The following TTC21A variants were observed in gnomAD, a reference collection of about 807,000 sequenced individuals.
TTC21A encodes the protein tetratricopeptide repeat domain 21A.
A neutral mutation model predicts 156.4 loss-of-function variants in TTC21A; 128 were observed. The ratio of observed to expected loss-of-function variants is 0.82; its 90% CI spans 0.71 to 0.95. The LOEUF (loss-of-function observed/expected upper bound fraction) is 0.95, where lower values mean the gene tolerates loss of function less well. TTC21A is among the 40% of genes least tolerant of loss of function. The pLI is 0.00. For synonymous variants in TTC21A, 587 were observed against 617.1 expected, an observed-to-expected ratio of 0.95 and a Z score of 0.72; for missense variants, 1,435 against 1,602.3, an observed-to-expected ratio of 0.90 and a Z score of 1.78.
rs370810589 is a variant in TTC21A, at chr3:39,118,124, G to A, written c.772G>A (p.Glu258Lys). 27 of 1,614,078 alleles carry A rather than the reference G, an allele frequency of 1.7e-5. No individual in the cohort carries two copies. The highest frequency in any genetic ancestry group is 2.2e-5 in the South Asian group (2 of 91,086). ...TGCCTGCCAAATTCTAACCGTGCAT[G>A]AGCTTGCAAGAGAAGGAAACATGAC... Reference protein sequence around the residue: ...IDACQILTVHELAREGNMTTA... With the variant: ...IDACQILTVHKLAREGNMTTA... The change falls in exon 7 of 29, where the codon GAG becomes AAG. Residue 258 changes from glutamate (E) to lysine (K), a missense_variant. Coordinates refer to ENST00000683103, the MANE Select transcript of TTC21A (RefSeq NM_001366900.1).
chr3:39,133,573 T>C (rs1025191919), intron 20 of TTC21A, among the ~76,000 whole-genome samples: 2 of 152,182 alleles, frequency 1.3e-5, no homozygotes, highest in Non-Finnish European at 2.9e-5. Flanking sequence ...GTTGCAGCTG[T>C]CAGGGCACTT....
At position 39,130,164 on chromosome 3, in the gene TTC21A, C is replaced by T. The variant is rs374132095; in HGVS notation, c.2208+13C>T. The T allele has an allele frequency of 3.1e-6, 5 of 1,613,496 alleles. No homozygotes were observed. Among genetic ancestry groups the T allele is most frequent in the Non-Finnish European group, 4.2e-6 (5 of 1,179,704 alleles). On this transcript the variant is annotated intron_variant, in intron 16 of 28. Coordinates refer to ENST00000683103, the MANE Select transcript of TTC21A (RefSeq NM_001366900.1). This position sits in a 1 kb window ranked among gnomAD's most constrained non-coding sequence, Gnocchi z 4.5. ...GAGCATTCTGGAGGTAAGTGAGAGGCCTCACAGCCTTGCCAAGTGGCCCCC... is the reference window on the plus strand; with the variant it reads ...GAGCATTCTGGAGGTAAGTGAGAGGTCTCACAGCCTTGCCAAGTGGCCCCC...
At chr3:39,122,403 G>A (rs2037848853) in intron 9 of TTC21A, among the ~76,000 whole-genome samples, 1 of 152,122 alleles carries the variant, frequency 6.6e-6, no homozygotes, top group African/African-American at 2.4e-5. Flanking sequence ...GAAGGCAAAT[G>A]GTGTCAAATA....
rs762738287 is a variant in TTC21A, at chr3:39,128,481, A to G, written c.1673A>G (p.Asn558Ser). The part of the protein sequence containing the change: ...FHCLELGVSH[N>S]FQVRDHPLYH... Reference sequence around the variant, plus strand: ...TGCTTAGAGCTGGGTGTCAGCCACAACTTCCAGGTGGGTGCCCTCTCATCC... The same window carrying G: ...TGCTTAGAGCTGGGTGTCAGCCACAGCTTCCAGGTGGGTGCCCTCTCATCC... Residue 558 changes from asparagine to serine, a missense_variant, in exon 13 of 29, where the codon AAC becomes AGC. Coordinates refer to ENST00000683103, the MANE Select transcript of TTC21A (RefSeq NM_001366900.1). 5.9e-5 allele frequency: 95 copies of G among 1,613,974 alleles called. No homozygotes were observed. The Admixed American group carries it at 1.4e-3, about 24-fold the overall frequency.
At chr3:39,110,650 G>A (rs545957862) in intron 3 of TTC21A, among the ~76,000 whole-genome samples, 5 of 152,314 alleles carry the variant, frequency 3.3e-5, no homozygotes, top group Admixed American at 3.3e-4. Context: ...CCACACCAGG[G>A]CAGCCCCTGC....
rs765589196 is a variant in TTC21A at position 39,130,677 on chromosome 3, C to T, written c.2320-24C>T. ...CTGAAGGGCAGAACCAGGCCAGAGG[C>T]TAATATTTACTGTTTGCACTAAGGC... On this transcript the variant is annotated intron_variant, in intron 17 of 28. Coordinates refer to ENST00000683103, the MANE Select transcript of TTC21A (RefSeq NM_001366900.1). The surrounding 1 kb of genome is among the most constrained non-coding windows in gnomAD (Gnocchi z 4.5). 3.1e-6 allele frequency: 5 copies of T among 1,613,336 alleles called. No homozygotes were observed. Among genetic ancestry groups the T allele is most frequent in the Non-Finnish European group, 4.2e-6 (5 of 1,179,598 alleles).
chr3:39,128,649 T>TGACCTGA, intron 13 of TTC21A, 68 bp from the exon 14 acceptor site: 1 of 1,572,176 alleles, frequency 6.4e-7, no homozygotes, highest in Non-Finnish European at 8.7e-7. Context: ...TTCTCTGACC[T>TGACCTGA]GGCTGCTGTG....
Position 39,107,748 on chromosome 3 carries a change from C to T in TTC21A, c.-90C>T, listed in dbSNP as rs574062941. The T allele has an allele frequency of 5.1e-6, 8 of 1,579,344 alleles. No individual in the cohort carries two copies. In the East Asian group the frequency reaches 1.6e-4, roughly 31 times the overall value. On this transcript the variant is annotated 5_prime_UTR_variant, in exon 1 of 29. Coordinates refer to ENST00000683103, the MANE Select transcript of TTC21A (RefSeq NM_001366900.1). ...AAGGACTGTAACGCCTTCAACCGCC[C>T]GCCGCGATAGAGTGCCCACGACCCT...
Position 39,126,255 on chromosome 3 carries a change from C to T in TTC21A, c.1393-6C>T. 1 of 1,614,056 alleles carries T rather than the reference C, an allele frequency of 6.2e-7. No homozygotes were observed. The highest frequency in any genetic ancestry group is 8.5e-7 in the Non-Finnish European group (1 of 1,179,960). ...TACTCCCACCTCCACCGCCGTGTTC[C>T]CACAGCCCAGGTTACCAGGCCAGAT... On this transcript the variant is annotated splice_polypyrimidine_tract_variant and splice_region_variant and intron_variant, in intron 11 of 28. Coordinates refer to ENST00000683103, the MANE Select transcript of TTC21A (RefSeq NM_001366900.1).
chr3:39,135,341 C>T (rs542233936), intron 22 of TTC21A, among the ~76,000 whole-genome samples, 167 bp downstream of exon 22: 7 of 152,300 alleles, frequency 4.6e-5, no homozygotes, highest in African/African-American at 1.7e-4. Flanking sequence ...TGGAACGTGC[C>T]GGCCCTTCCC....
At chr3:39,109,264 C>T in intron 2 of TTC21A, 50 bp downstream of exon 2, 1 of 1,586,356 alleles carries the variant, frequency 6.3e-7, no homozygotes, top group African/African-American at 1.3e-5. Flanking sequence ...TAGCTGGGCC[C>T]TAACACTCTG....
At chr3:39,108,137 C>G in intron 1 of TTC21A, 1 of 576,030 alleles carries the variant, frequency 1.7e-6, no homozygotes, top group Non-Finnish European at 3.1e-6. Flanking sequence ...ATCCCTTCTT[C>G]CACCCAGCTC....
chr3:39,114,708 C>A lies in TTC21A; in HGVS notation c.682C>A (p.Gln228Lys). The A allele has an allele frequency of 6.2e-7, 1 of 1,614,214 alleles. No homozygotes were observed. The highest frequency in any genetic ancestry group is 8.5e-7 in the Non-Finnish European group (1 of 1,180,040). The change falls in exon 6 of 29, where the codon CAG becomes AAG. Residue 228 changes from glutamine (Q) to lysine (K), a missense_variant. By Grantham distance (53) the Gln-to-Lys change is moderately conservative. Coordinates refer to ENST00000683103, the MANE Select transcript of TTC21A (RefSeq NM_001366900.1). ...GAAGATGCAGCTGTTCTTAGCTCGG[C>A]AGGACTGGGAGCAGACAGTAGAAAT... ...VLKMQLFLARQDWEQTVEMGH... is the reference protein window; with the variant it reads ...VLKMQLFLARKDWEQTVEMGH...
chr3:39,137,767 C>T, intron 26 of TTC21A, 57 bp downstream of exon 26: 1 of 1,533,784 alleles, frequency 6.5e-7, no homozygotes. Flanking sequence ...TCTAGGCATT[C>T]CAGGAAGGTG....
rs763120394 is a variant in TTC21A at position 39,136,452 on chromosome 3, T to C, written c.3040T>C (p.Ser1014Pro). Residue 1014 changes from serine to proline, a missense_variant, in exon 23 of 29, where the codon TCT becomes CCT. Ser to Pro is a moderately conservative substitution (Grantham distance 74). Coordinates refer to ENST00000683103, the MANE Select transcript of TTC21A (RefSeq NM_001366900.1). Reference protein sequence around the residue: ...PAFFELAKKVSSRVPLEPGFN... With the variant: ...PAFFELAKKVPSRVPLEPGFN... ...CTTCTTTGAATTGGCCAAGAAGGTG[T>C]CTAGCCGGGTGCCTTTGGAACCAGG... 1.2e-6 allele frequency: 2 copies of C among 1,614,238 alleles called. No individual in the cohort carries two copies. The highest frequency in any genetic ancestry group is 1.7e-6 in the Non-Finnish European group (2 of 1,180,048).
At position 39,138,831 on chromosome 3, in the gene TTC21A, T is replaced by G; in HGVS notation, c.*43T>G. On this transcript the variant is annotated 3_prime_UTR_variant, in exon 29 of 29. Coordinates refer to ENST00000683103, the MANE Select transcript of TTC21A (RefSeq NM_001366900.1). ...GGACCAGTAGAAGCCATCAACCTAC[T>G]GAAGTTGTGTGGAGGGATGGAAAGT... 6.5e-7 allele frequency: 1 copy of G among 1,549,304 alleles called. No individual in the cohort carries two copies. Among genetic ancestry groups the G allele is most frequent in the Non-Finnish European group, 8.9e-7 (1 of 1,125,506 alleles).
chr3:39,128,768 G>A lies in TTC21A; in HGVS notation c.1732G>A (p.Ala578Thr). Residue 578 changes from alanine (A) to threonine (T), a missense_variant, in exon 14 of 29, where the codon GCT becomes ACT. Coordinates refer to ENST00000683103, the MANE Select transcript of TTC21A (RefSeq NM_001366900.1). Reference sequence around the variant, plus strand: ...CATCAAGGCCAGGGCCCTCAACAAGGCTGGAGACTATCCAGAGGCCATAAA... The same window carrying A: ...CATCAAGGCCAGGGCCCTCAACAAGACTGGAGACTATCCAGAGGCCATAAA... ...HLIKARALNK[A>T]GDYPEAIKTL... 6.2e-7 allele frequency: 1 copy of A among 1,614,114 alleles called. No individual in the cohort carries two copies. Among genetic ancestry groups the A allele is most frequent in the Non-Finnish European group, 8.5e-7 (1 of 1,180,038 alleles).
chr3:39,108,020 C>G, intron 1 of TTC21A, 156 bp downstream of exon 1: 1 of 870,376 alleles, frequency 1.1e-6, no homozygotes. Flanking sequence ...GCAAGGGCGT[C>G]TTCTCCGGTG....
intron 5 of TTC21A, among the ~76,000 whole-genome samples, chr3:39,113,606 G>A (rs1405351283): frequency 6.6e-6 from 1 of 152,198 alleles, no homozygotes; most frequent in Non-Finnish European, 1.5e-5. Context: ...TAGGGGGTGG[G>A]TCACACACAG....
Sources: gnomAD v4.1 joint callset for allele counts (sites outside exome capture counted in the v4.1 genomes callset) on GRCh38, gnomAD v4.1.1 for gene constraint, Gnocchi (gnomAD v3.1) non-coding constraint, MANE v1.5 for transcripts, NCBI Gene and HGNC (gene_info 2026-07-23, HGNC 2026-07-21) for gene names.